Variants in ACOT13 observed in about 807,000 individuals in gnomAD.
ACOT13 encodes acyl-coenzyme A thioesterase 13.
In ACOT13, 10 loss-of-function variants were observed where a neutral mutation model predicts 11.8. The ratio of observed to expected loss-of-function variants is 0.85; its 90% CI spans 0.53 to 1.44. The LOEUF is 1.44. ACOT13 is among the 40% of genes most tolerant of loss of function. The probability of loss-of-function intolerance (pLI) is 0.00; values close to 1 mark genes in which losing one functional copy is unlikely to be tolerated. For synonymous variants in ACOT13, 53 were observed against 61.0 expected, an observed-to-expected ratio of 0.87 and a Z score of 0.61; for missense variants, 172 against 174.1, an observed-to-expected ratio of 0.99 and a Z score of 0.07.
intron 1 of ACOT13, among the ~76,000 whole-genome samples, chr6:24,673,789 C>T (rs1216548487): frequency 6.6e-6 from 1 of 152,140 alleles, no homozygotes; most frequent in African/African-American, 2.4e-5. Flanking sequence ...ATTATAATTT[C>T]CTTTTAATTG....
In ACOT13 at chr6:24,703,035, TGCCACCA is replaced by T. The variant is rs1778920847; in HGVS notation, c.*1421_*1427del. 1 of 152,256 alleles carries T rather than the reference TGCCACCA, an allele frequency of 6.6e-6. No homozygotes were observed. The highest frequency in any genetic ancestry group is 2.1e-4 in the South Asian group (1 of 4,838). 9.4% of individuals were successfully genotyped at this position (152,256 alleles called of 1,614,324 possible). On this transcript the variant is annotated 3_prime_UTR_variant, in exon 3 of 3. Coordinates refer to ENST00000230048, the MANE Select transcript of ACOT13 (RefSeq NM_018473.4). ...CTGAGTAGCTGGAACTACAGGCGTGTGCCACCACGCCTAATTTTATTTTTGTAGAAAC... is the reference window on the plus strand; with the variant it reads ...CTGAGTAGCTGGAACTACAGGCGTGTCGCCTAATTTTATTTTTGTAGAAAC...
rs192878082 is a variant in ACOT13 at position 24,700,625 on chromosome 6, G to T, written c.267-834G>T. 1.2e-3 allele frequency among the ~76,000 whole-genome samples: 186 copies of T among 151,796 alleles called. 2 individuals carry two copies. Among genetic ancestry groups the T allele is most frequent in the African/African-American group, 4.3e-3 (180 of 41,392 alleles). ...TAACTTCTGTATTTTTAGTTGAGAC[G>T]GGGTTTCACCACGTTGGCCGGGCTG... On this transcript the variant is annotated intron_variant, in intron 2 of 2. Transcript: ENST00000230048.
chr6:24,694,637 A>G (rs1778767502), intron 1 of ACOT13, among the ~76,000 whole-genome samples: 2 of 152,086 alleles, frequency 1.3e-5, no homozygotes. Flanking sequence ...CATCAGAAAG[A>G]AGTTAGCTTT....
chr6:24,672,963 A>G (rs1778386892), intron 1 of ACOT13, among the ~76,000 whole-genome samples: 1 of 152,194 alleles, frequency 6.6e-6, no homozygotes, highest in Non-Finnish European at 1.5e-5. Context: ...CGGGGCCTGA[A>G]GATGACAGCT....
intron 1 of ACOT13, among the ~76,000 whole-genome samples, chr6:24,692,575 G>T (rs1778734029): frequency 6.6e-6 from 1 of 151,818 alleles, no homozygotes; most frequent in African/African-American, 2.4e-5. Flanking sequence ...ATGCCACCAT[G>T]CCTGGCTAAT....
intron 1 of ACOT13, among the ~76,000 whole-genome samples, chr6:24,685,495 T>C (rs1426256765): frequency 1.3e-5 from 2 of 151,692 alleles, no homozygotes; most frequent in East Asian, 1.9e-4. Flanking sequence ...TACAGGCGCC[T>C]GCCACCACGC....
At chr6:24,670,602 C>T (rs9358788) in intron 1 of ACOT13, among the ~76,000 whole-genome samples, 57,367 of 152,084 alleles carry the variant, frequency 0.38, 12,202 homozygotes, top group Non-Finnish European at 0.5. Context: ...CAGATTCTTA[C>T]TGCACTTATG....
At chr6:24,682,630 C>A (rs1778570935) in intron 1 of ACOT13, among the ~76,000 whole-genome samples, 1 of 152,062 alleles carries the variant, frequency 6.6e-6, no homozygotes, top group African/African-American at 2.4e-5. Context: ...ACAGCGGACA[C>A]CCTGCTGGAT....
At chr6:24,675,717 A>G (rs1454063742) in intron 1 of ACOT13, among the ~76,000 whole-genome samples, 3 of 152,190 alleles carry the variant, frequency 2.0e-5, no homozygotes, top group Admixed American at 2.0e-4. Flanking sequence ...TTTGCTGTGC[A>G]GAAGCTCTTT....
intron 1 of ACOT13, among the ~76,000 whole-genome samples, chr6:24,670,884 A>T (rs954303792): frequency 1.7e-4 from 26 of 152,102 alleles, no homozygotes; most frequent in Non-Finnish European, 3.1e-4. Context: ...TTAGCTCTCC[A>T]TGAGTTCTGA....
At chr6:24,681,081 CTG>C (rs1778540576) in intron 1 of ACOT13, among the ~76,000 whole-genome samples, 1 of 152,208 alleles carries the variant, frequency 6.6e-6, no homozygotes, top group African/African-American at 2.4e-5. Context: ...GTTAGGAAAT[CTG>C]CTGGGTTAAG....
chr6:24,667,434 CTCT>C (rs1778278440), intron 1 of ACOT13, 90 bp downstream of exon 1: 1 of 1,180,024 alleles, frequency 8.5e-7, no homozygotes, highest in Admixed American at 1.9e-5. Flanking sequence ...GAATAATTAT[CTCT>C]TGTTAGGTTG....
At chr6:24,677,749 C>G (rs913463998) in intron 1 of ACOT13, among the ~76,000 whole-genome samples, 1 of 152,180 alleles carries the variant, frequency 6.6e-6, no homozygotes, top group African/African-American at 2.4e-5. Flanking sequence ...TGTATAATGG[C>G]CTGACTATTT....
At chr6:24,686,202 T>G (rs1323216110) in intron 1 of ACOT13, among the ~76,000 whole-genome samples, 1 of 152,218 alleles carries the variant, frequency 6.6e-6, no homozygotes, top group Non-Finnish European at 1.5e-5. Context: ...GAAAGTGTAT[T>G]GCAAGGAAGA....
At chr6:24,688,351 C>T (rs1778667745) in intron 1 of ACOT13, among the ~76,000 whole-genome samples, 1 of 151,542 alleles carries the variant, frequency 6.6e-6, no homozygotes, top group East Asian at 1.9e-4. Context: ...CCAGCCTAGG[C>T]AACAAAATGA....
chr6:24,692,043 A>G (rs1778725720), intron 1 of ACOT13, among the ~76,000 whole-genome samples: 1 of 152,244 alleles, frequency 6.6e-6, no homozygotes, highest in African/African-American at 2.4e-5. Flanking sequence ...ATTGGAAGTC[A>G]GTTGCAACAG....
intron 1 of ACOT13, among the ~76,000 whole-genome samples, chr6:24,675,688 C>T (rs893573272): frequency 1.3e-5 from 2 of 152,160 alleles, no homozygotes; most frequent in Non-Finnish European, 2.9e-5. Flanking sequence ...GTTGCCTGTT[C>T]ACTCTAATGG....
chr6:24,668,329 A>G (rs1346001189), intron 1 of ACOT13, among the ~76,000 whole-genome samples: 1 of 151,078 alleles, frequency 6.6e-6, no homozygotes, highest in African/African-American at 2.4e-5. Flanking sequence ...AGTGATTCTC[A>G]TGCCTCAGCC....
At chr6:24,688,562 G>T (rs534375043) in intron 1 of ACOT13, among the ~76,000 whole-genome samples, 24 of 145,626 alleles carry the variant, frequency 1.6e-4, no homozygotes, top group African/African-American at 5.8e-4. Flanking sequence ...AAAAAAAATT[G>T]TGTGAGGGGA....
Sources: allele counts gnomAD v4.1 joint callset (sites outside exome capture counted in the v4.1 genomes callset), GRCh38; gene constraint gnomAD v4.1.1; transcripts MANE v1.5; gene names NCBI Gene and HGNC (gene_info 2026-07-23, HGNC 2026-07-21).